Variants in MAP3K4 observed in about 807,000 individuals in gnomAD.
MAP3K4 encodes the protein mitogen-activated protein kinase kinase kinase 4.
A neutral mutation model predicts 185.6 loss-of-function variants in MAP3K4; 67 were observed. The ratio of observed to expected loss-of-function variants is 0.36; its 90% CI spans 0.30 to 0.44. MAP3K4 has a LOEUF of 0.44. MAP3K4 is among the 20% of genes least tolerant of loss of function. The probability of loss-of-function intolerance (pLI) is 1.00; values close to 1 mark genes in which losing one functional copy is unlikely to be tolerated. For missense variants in MAP3K4, 1,551 were observed against 1,995.1 expected, an observed-to-expected ratio of 0.78 and a Z score of 4.24; for synonymous variants, 702 against 710.4, an observed-to-expected ratio of 0.99 and a Z score of 0.19.
intron 1 of MAP3K4, among the ~76,000 whole-genome samples, chr6:161,033,966 T>C (rs1236098518): frequency 6.6e-6 from 1 of 152,194 alleles, no homozygotes; most frequent in African/African-American, 2.4e-5. Context: ...GTTCTATATT[T>C]CATTTGTGTT....
At position 161,077,791 on chromosome 6, in the gene MAP3K4, G is replaced by A. The variant is rs1020672457; in HGVS notation, c.2098-3090G>A. On this transcript the variant is annotated intron_variant, in intron 5 of 26. Transcript: ENST00000392142. This position sits in a 1 kb window ranked among gnomAD's most constrained non-coding sequence, Gnocchi z 4.3. ...GTGTGAGTGGTGAAGATGTGAGTCC[G>A]GTGAGGAGTTTTAAATTGGGCTGAG... Among the ~76,000 whole-genome samples the A allele has an allele frequency of 6.6e-6, 1 of 152,132 alleles. No homozygotes were observed. Among genetic ancestry groups the A allele is most frequent in the East Asian group, 1.9e-4 (1 of 5,188 alleles).
chr6:161,113,790 CTTTTTTTTTT>C (rs963260228), intron 25 of MAP3K4, among the ~76,000 whole-genome samples: 6 of 71,078 alleles, frequency 8.4e-5, no homozygotes, highest in Admixed American at 2.2e-4. Context: ...ATATGAGTGA[CTTTTTTTTTT>C]TTTTTTTTTT....
intron 1 of MAP3K4, among the ~76,000 whole-genome samples, chr6:161,021,346 G>A (rs1036049703): frequency 1.3e-5 from 2 of 152,228 alleles, no homozygotes; most frequent in South Asian, 2.1e-4. Context: ...TCTGGGACTC[G>A]GATTCACTCC....
At chr6:160,994,124 T>C (rs562509861) in intron 1 of MAP3K4, among the ~76,000 whole-genome samples, 52 of 147,248 alleles carry the variant, frequency 3.5e-4, no homozygotes, top group African/African-American at 1.3e-3. Flanking sequence ...TGCCACCTCT[T>C]TTTTTTTTTT....
chr6:161,080,863 T>C lies in MAP3K4; in HGVS notation c.2098-18T>C. On this transcript the variant is annotated intron_variant, in intron 5 of 26. Coordinates refer to ENST00000392142, the MANE Select transcript of MAP3K4 (RefSeq NM_005922.4). This position sits in a 1 kb window ranked among gnomAD's most constrained non-coding sequence, Gnocchi z 4.8. The stretch of plus-strand genomic sequence containing the variant: ...AGTTCTACTTTCAAATGTCTCCCTT[T>C]ACTTTTTGTGTTTTAAGGTGTATTT... 1.2e-6 allele frequency: 2 copies of C among 1,612,136 alleles called. No individual in the cohort carries two copies. Among genetic ancestry groups the C allele is most frequent in the Non-Finnish European group, 1.7e-6 (2 of 1,178,826 alleles).
Position 161,049,153 on chromosome 6 carries a change from T to C in MAP3K4, c.881T>C (p.Ile294Thr), listed in dbSNP as rs35842248. The change falls in exon 3 of 27, where the codon ATT (isoleucine) becomes ACT (threonine). Residue 294 changes from isoleucine (I) to threonine (T), a missense_variant. By Grantham distance (89) the Ile-to-Thr change is moderately conservative. Around this residue, in one of 16 missense-constraint regions of MAP3K4, gnomAD observed 69 missense variants for 124.8 expected, o/e 0.55. Coordinates refer to ENST00000392142, the MANE Select transcript of MAP3K4 (RefSeq NM_005922.4). The surrounding 1 kb of genome is among the most constrained non-coding windows in gnomAD (Gnocchi z 8.4). ...ACAGCCCGTCAAGCCATCCCAGATA[T>C]TATTAATGAAATCCTTACTTTCAAA... ...LYTARQAIPD[I>T]INEILTFKVD... is the part of the protein sequence containing the mutation. 127 of 1,614,118 alleles carry C rather than the reference T, an allele frequency of 7.9e-5. No individual in the cohort carries two copies. In the East Asian group the frequency reaches 1.8e-3, roughly 22 times the overall value.
chr6:161,047,615 A>G (rs1460577327), intron 2 of MAP3K4, among the ~76,000 whole-genome samples: 1 of 152,164 alleles, frequency 6.6e-6, no homozygotes, highest in Non-Finnish European at 1.5e-5. Flanking sequence ...GTGGAAATGA[A>G]TGAGATCACC....
intron 2 of MAP3K4, among the ~76,000 whole-genome samples, chr6:161,041,333 G>T (rs934694030): frequency 1.3e-5 from 2 of 152,240 alleles, no homozygotes; most frequent in African/African-American, 4.8e-5. Flanking sequence ...GCCCCTGGGG[G>T]CTGGAGTGCA....
At position 161,081,788 on chromosome 6, in the gene MAP3K4, G is replaced by C. The variant is rs1485176634; in HGVS notation, c.2255+750G>C. 3.9e-5 allele frequency among the ~76,000 whole-genome samples: 6 copies of C among 152,180 alleles called. No homozygotes were observed. The East Asian group carries it at 1.2e-3, about 29-fold the overall frequency. On this transcript the variant is annotated intron_variant, in intron 6 of 26. Transcript: ENST00000392142. ...CAGATGAGGATCAGTGTCCTTCTGT[G>C]CTTTAGATTCTGCTGCTGTCTTTTG...
intron 1 of MAP3K4, among the ~76,000 whole-genome samples, chr6:161,027,973 TCTC>T (rs1390749596): frequency 6.6e-6 from 1 of 152,168 alleles, no homozygotes; most frequent in Non-Finnish European, 1.5e-5. Context: ...TTCATGCACT[TCTC>T]CACCTAAGTT....
intron 1 of MAP3K4, among the ~76,000 whole-genome samples, chr6:160,994,762 G>A (rs12333168): frequency 0.028 from 4,278 of 152,102 alleles, 133 homozygotes; most frequent in African/African-American, 0.076. Context: ...GTGCAGTGGC[G>A]TGATCTCAGC....
chr6:160,997,470 A>G (rs1781051860), intron 1 of MAP3K4, among the ~76,000 whole-genome samples: 1 of 152,198 alleles, frequency 6.6e-6, no homozygotes, highest in African/African-American at 2.4e-5. Context: ...CTGTTTTTAA[A>G]TAGTGTTTAG....
chr6:161,061,343 A>G lies in MAP3K4; in HGVS notation c.1708-9265A>G, dbSNP rs1409146915. Among the ~76,000 whole-genome samples, 4 of 152,258 alleles carry G rather than the reference A, an allele frequency of 2.6e-5. No homozygotes were observed. The highest frequency in any genetic ancestry group is 4.8e-5 in the African/African-American group (2 of 41,466). On this transcript the variant is annotated intron_variant, in intron 3 of 26. Coordinates refer to ENST00000392142, the MANE Select transcript of MAP3K4 (RefSeq NM_005922.4). This position sits in a 1 kb window ranked among gnomAD's most constrained non-coding sequence, Gnocchi z 4.2. ...TAACCCTCTGTGGATGTAACATCAG[A>G]TAACTGCATTTTAAAGACTTTTGGA...
intron 1 of MAP3K4, among the ~76,000 whole-genome samples, chr6:160,997,336 A>G (rs1562468816): frequency 6.6e-6 from 1 of 152,186 alleles, no homozygotes; most frequent in Non-Finnish European, 1.5e-5. Flanking sequence ...TGCTTTCATA[A>G]AATTCTTTTT....
intron 1 of MAP3K4, among the ~76,000 whole-genome samples, chr6:161,016,432 G>GA (rs1269403101): frequency 6.6e-6 from 1 of 152,162 alleles, no homozygotes; most frequent in Non-Finnish European, 1.5e-5. Flanking sequence ...ACAAATATGA[G>GA]ATCCTATAGC....
At position 161,106,765 on chromosome 6, in the gene MAP3K4, ACTT is replaced by A; in HGVS notation, c.4048+64_4048+66del. The A allele has an allele frequency of 7.1e-7, 1 of 1,404,092 alleles. No homozygotes were observed. Among genetic ancestry groups the A allele is most frequent in the East Asian group, 2.3e-5 (1 of 43,550 alleles). 87.0% of individuals were successfully genotyped at this position (1,404,092 alleles called of 1,614,324 possible). A position where few individuals can be genotyped will look rare whatever the true frequency, so the allele number is the denominator to read the frequency against. On this transcript the variant is annotated intron_variant, in intron 20 of 26. Transcript: ENST00000392142. This position sits in a 1 kb window ranked among gnomAD's most constrained non-coding sequence, Gnocchi z 4.9. ...CCCTGTTAGAAGTAGCAATAGTTAT[ACTT>A]CTTTAGGTTGAATCCTATAGAGTTG... is the stretch of plus-strand genomic sequence containing the variant.
chr6:161,056,537 C>A lies in MAP3K4; in HGVS notation c.1707+6558C>A, dbSNP rs1784242529. 6.6e-6 allele frequency among the ~76,000 whole-genome samples: 1 copy of A among 152,192 alleles called. No individual in the cohort carries two copies. Among genetic ancestry groups the A allele is most frequent in the South Asian group, 2.1e-4 (1 of 4,828 alleles). ...TCCCTTGCTTATCTGTAACTTACTT[C>A]TCTTATAGTGAGAAACCTGGCTACC... is the stretch of plus-strand genomic sequence containing the variant. On this transcript the variant is annotated intron_variant, in intron 3 of 26. Coordinates refer to ENST00000392142, the MANE Select transcript of MAP3K4 (RefSeq NM_005922.4). The surrounding 1 kb of genome is among the most constrained non-coding windows in gnomAD (Gnocchi z 5.4).
chr6:161,076,981 T>C lies in MAP3K4; in HGVS notation c.2097+3369T>C, dbSNP rs192974147. 9.3e-4 allele frequency among the ~76,000 whole-genome samples: 141 copies of C among 152,326 alleles called. No individual in the cohort carries two copies. Among genetic ancestry groups the C allele is most frequent in the African/African-American group, 3.2e-3 (132 of 41,574 alleles). Reference sequence around the variant, plus strand: ...AAGGCACAGGTCTTTTGTGGACTGGTTAATTCGATTCAACTTTTTGTGGAG... The same window carrying C: ...AAGGCACAGGTCTTTTGTGGACTGGCTAATTCGATTCAACTTTTTGTGGAG... On this transcript the variant is annotated intron_variant, in intron 5 of 26. Transcript: ENST00000392142. The surrounding 1 kb of genome is among the most constrained non-coding windows in gnomAD (Gnocchi z 4.2).
Position 160,999,503 on chromosome 6 carries a change from G to A in MAP3K4, c.152+7420G>A, listed in dbSNP as rs142227248. Among the ~76,000 whole-genome samples the A allele has an allele frequency of 3.9e-5, 6 of 152,164 alleles. 1 individual carries two copies. Among genetic ancestry groups the A allele is most frequent in the Non-Finnish European group, 5.9e-5 (4 of 68,034 alleles). ...TACAAGTTCTTACAGATGGTAGGAC[G>A]CTTAGTGTTCATTTCATCCAACTTC... On this transcript the variant is annotated intron_variant, in intron 1 of 26. Transcript: ENST00000392142.
Sources: allele counts gnomAD v4.1 joint callset (sites outside exome capture counted in the v4.1 genomes callset), GRCh38; gene constraint gnomAD v4.1.1; regional missense constraint gnomAD v4.1.1; non-coding constraint Gnocchi (gnomAD v3.1); transcripts MANE v1.5; gene names NCBI Gene and HGNC (gene_info 2026-07-23, HGNC 2026-07-21).